CTNND2: variants seen among roughly 807,000 people sequenced by gnomAD.
CTNND2 encodes catenin delta-2.
A neutral mutation model predicts 144.4 loss-of-function variants in CTNND2; 22 were observed. The ratio of observed to expected loss-of-function variants is 0.15; its 90% confidence interval spans 0.11 to 0.22. The LOEUF is 0.22. Among genes scored for constraint, CTNND2 ranks in the 10% least tolerant of loss-of-function variants. CTNND2 has a pLI of 1.00. For missense variants in CTNND2, 1,353 were observed against 1,618.8 expected, an observed-to-expected ratio of 0.84 and a Z score of 2.82; for synonymous variants, 751 against 695.6, an observed-to-expected ratio of 1.08 and a Z score of -1.25.
At chr5:11,214,592 CCAAT>C (rs1273636368) in intron 10 of CTNND2, among the ~76,000 whole-genome samples, 1 of 152,174 alleles carries the variant, frequency 6.6e-6, no homozygotes, top group Non-Finnish European at 1.5e-5. Context: ...ACATACGTAA[CCAAT>C]CAGATCATGT....
At chr5:11,642,011 G>C (rs906152497) in intron 2 of CTNND2, among the ~76,000 whole-genome samples, 1 of 151,990 alleles carries the variant, frequency 6.6e-6, no homozygotes, top group African/African-American at 2.4e-5. Context: ...TTAAGGTTTA[G>C]GGTAATTGTT....
chr5:11,631,831 T>G (rs1781431959), intron 2 of CTNND2, among the ~76,000 whole-genome samples: 2 of 152,124 alleles, frequency 1.3e-5, no homozygotes, highest in Admixed American at 6.5e-5. Flanking sequence ...GGAGGAAGTT[T>G]ACCATCCAGC....
intron 14 of CTNND2, among the ~76,000 whole-genome samples, chr5:11,105,356 G>T (rs1357607375): frequency 4.6e-5 from 7 of 152,186 alleles, no homozygotes; most frequent in Admixed American, 1.3e-4. Context: ...AACACCCAGG[G>T]GGACAAGCGG....
chr5:11,710,539 CA>C (rs1197887467), intron 2 of CTNND2, among the ~76,000 whole-genome samples: 1,528 of 68,740 alleles, frequency 0.022, 14 homozygotes, highest in African/African-American at 0.06. Context: ...GACTCCATCT[CA>C]AAAAAAAAAA....
intron 9 of CTNND2, among the ~76,000 whole-genome samples, chr5:11,310,973 C>T (rs1319962763): frequency 6.8e-6 from 1 of 147,406 alleles, no homozygotes; most frequent in Non-Finnish European, 1.5e-5. Flanking sequence ...CCCACACATA[C>T]ACACACTCTC....
chr5:11,623,804 GTATGTA>G (rs1350502027), intron 2 of CTNND2, among the ~76,000 whole-genome samples: 8 of 30,636 alleles, frequency 2.6e-4, no homozygotes, highest in East Asian at 1.2e-3. Flanking sequence ...ATATATGTGT[GTATGTA>G]TATATATATA....
intron 10 of CTNND2, among the ~76,000 whole-genome samples, chr5:11,206,236 G>A (rs1368658235): frequency 6.6e-6 from 1 of 152,180 alleles, no homozygotes; most frequent in African/African-American, 2.4e-5. Context: ...CTTGCTAACT[G>A]TGAGACGAGC....
chr5:11,187,183 T>A (rs1295822206), intron 11 of CTNND2, among the ~76,000 whole-genome samples: 1 of 152,186 alleles, frequency 6.6e-6, no homozygotes, highest in Non-Finnish European at 1.5e-5. Flanking sequence ...CTTACCCATA[T>A]ATAAATGTTA....
Position 11,110,956 on chromosome 5 carries a change from C to T in CTNND2, c.2365G>A (p.Glu789Lys), listed in dbSNP as rs777593700. ...TCGCCACAGAGTAGCCCGTCCAGCT[C>T]GTCCGTGCCCATGTGCTGTCCCTGA... ...TSQGQHMGTD[E>K]LDGLLCGEAN... is the part of the protein sequence containing the mutation. Residue 789 changes from glutamate (E) to lysine (K), a missense_variant, in exon 14 of 22, where the codon GAG becomes AAG. Coordinates refer to ENST00000304623, the MANE Select transcript of CTNND2 (RefSeq NM_001332.4). 1.9e-6 allele frequency: 3 copies of T among 1,614,172 alleles called. No individual in the cohort carries two copies. Among genetic ancestry groups the T allele is most frequent in the South Asian group, 1.1e-5 (1 of 91,076 alleles).
In CTNND2 at chr5:11,011,378, G is replaced by A. The variant is rs376657766; in HGVS notation, c.3084+6596C>T. ...ACAGGCGGATTGCACTGCCACACCCGGCTAATTTTTGTATTTTTAGTAGAG... is the reference window on the plus strand; with the variant it reads ...ACAGGCGGATTGCACTGCCACACCCAGCTAATTTTTGTATTTTTAGTAGAG... On this transcript the variant is annotated intron_variant, in intron 18 of 21. Coordinates refer to ENST00000304623, the MANE Select transcript of CTNND2 (RefSeq NM_001332.4). Among the ~76,000 whole-genome samples the A allele has an allele frequency of 2.2e-3, 336 of 151,850 alleles. 3 individuals are homozygous for A. Among genetic ancestry groups the A allele is most frequent in the African/African-American group, 7.8e-3 (324 of 41,392 alleles).
chr5:11,516,326 G>A (rs1772164659), intron 3 of CTNND2, among the ~76,000 whole-genome samples: 1 of 151,648 alleles, frequency 6.6e-6, no homozygotes, highest in South Asian at 2.1e-4. Context: ...CCTGGACGAG[G>A]CAATTAGGCA....
intron 3 of CTNND2, among the ~76,000 whole-genome samples, chr5:11,503,778 C>T (rs913595506): frequency 6.6e-6 from 1 of 152,106 alleles, no homozygotes; most frequent in African/African-American, 2.4e-5. Flanking sequence ...CTATACATTA[C>T]GATGTCTTGT....
intron 5 of CTNND2, among the ~76,000 whole-genome samples, chr5:11,398,980 G>A (rs61749777): frequency 0.014 from 2,090 of 152,320 alleles, 57 homozygotes; most frequent in African/African-American, 0.048. Flanking sequence ...GGCAAGTGGA[G>A]ACTAACCATA....
At chr5:11,089,775 CA>C (rs1750570264) in intron 15 of CTNND2, among the ~76,000 whole-genome samples, 1 of 152,156 alleles carries the variant, frequency 6.6e-6, no homozygotes, top group Admixed American at 6.5e-5. Context: ...TTTCGGAGGC[CA>C]AGGAGGGCGG....
At chr5:11,602,223 A>G (rs993355924) in intron 2 of CTNND2, among the ~76,000 whole-genome samples, 2 of 152,154 alleles carry the variant, frequency 1.3e-5, no homozygotes, top group African/African-American at 2.4e-5. Context: ...ATGCAGTAGC[A>G]TCATCGCTTC....
chr5:11,176,136 C>T (rs537226079), intron 11 of CTNND2, among the ~76,000 whole-genome samples: 2 of 152,320 alleles, frequency 1.3e-5, no homozygotes, highest in Admixed American at 1.3e-4. Flanking sequence ...GTTATCAGAA[C>T]TAGTACTGAT....
chr5:11,076,032 A>G (rs1273035641), intron 16 of CTNND2, among the ~76,000 whole-genome samples: 1 of 152,266 alleles, frequency 6.6e-6, no homozygotes, highest in African/African-American at 2.4e-5. Flanking sequence ...AGCATAGCAA[A>G]GTGCTAGACA....
chr5:11,010,502 G>T (rs1452664054), intron 18 of CTNND2, among the ~76,000 whole-genome samples: 1 of 152,214 alleles, frequency 6.6e-6, no homozygotes, highest in Non-Finnish European at 1.5e-5. Flanking sequence ...TCCAGCAGAT[G>T]AGGGTGATGG....
chr5:11,666,283 T>C (rs1783566301), intron 2 of CTNND2, among the ~76,000 whole-genome samples: 1 of 152,228 alleles, frequency 6.6e-6, no homozygotes, highest in Non-Finnish European at 1.5e-5. Context: ...TCTAAGGCTG[T>C]GTCTTCCAGG....
Sources: gnomAD v4.1 joint callset for allele counts (sites outside exome capture counted in the v4.1 genomes callset) on GRCh38, gnomAD v4.1.1 for gene constraint, MANE v1.5 for transcripts, NCBI Gene and HGNC (gene_info 2026-07-23, HGNC 2026-07-21) for gene names.